The following TBC1D15 variants were observed in gnomAD, a reference collection of about 807,000 sequenced individuals.
TBC1D15 encodes TBC1 domain family member 15.
In TBC1D15, 39 loss-of-function variants were observed where a neutral mutation model predicts 95.4. The ratio of observed to expected loss-of-function variants is 0.41; its 90% confidence interval spans 0.32 to 0.53. The LOEUF (loss-of-function observed/expected upper bound fraction) is 0.53, where lower values mean the gene tolerates loss of function less well. Ranked by LOEUF, TBC1D15 falls within the 20% of genes least tolerant of loss-of-function variation. The pLI is 0.29. For missense variants in TBC1D15, 733 were observed against 794.3 expected (o/e 0.92, Z 0.93); for synonymous variants, 258 against 261.3 (o/e 0.99, Z 0.12).
At chr12:71,845,700 C>CT (rs1886112336) in intron 1 of TBC1D15, among the ~76,000 whole-genome samples, 1 of 152,008 alleles carries the variant, frequency 6.6e-6, no homozygotes, top group African/African-American at 2.4e-5. Context: ...ACTTTTGTAC[C>CT]TTTTTTGGTT....
At chr12:71,899,323 T>C (rs1336471223) in intron 10 of TBC1D15, among the ~76,000 whole-genome samples, 2 of 152,214 alleles carry the variant, frequency 1.3e-5, no homozygotes, top group East Asian at 3.9e-4. Flanking sequence ...TTTTAGCAGA[T>C]AAAGTTGAAG....
At chr12:71,842,835 A>G (rs1398652780) in intron 1 of TBC1D15, among the ~76,000 whole-genome samples, 2 of 126,160 alleles carry the variant, frequency 1.6e-5, no homozygotes, top group East Asian at 4.6e-4. Context: ...TGTCTCAAAA[A>G]AAAAAAAAAA....
chr12:71,884,802 G>C lies in TBC1D15; in HGVS notation c.344-9G>C. The C allele has an allele frequency of 6.2e-7, 1 of 1,613,600 alleles. No individual in the cohort carries two copies. Among genetic ancestry groups the C allele is most frequent in the Non-Finnish European group, 8.5e-7 (1 of 1,179,744 alleles). On this transcript the variant is annotated splice_polypyrimidine_tract_variant and intron_variant, in intron 4 of 16. Transcript: ENST00000485960. ...CAAAAATATTTTGCCCCACTTTCTT[G>C]TTTTTAAGATGCTCCAAGTCATAGA...
intron 1 of TBC1D15, among the ~76,000 whole-genome samples, chr12:71,860,661 A>G (rs766762904): frequency 2.6e-5 from 4 of 152,114 alleles, no homozygotes; most frequent in African/African-American, 2.4e-5. Flanking sequence ...AGGGTTTTCT[A>G]TGTGTAGGAT....
rs141704164 is a variant in TBC1D15 at position 71,880,531 on chromosome 12, A to G, written c.267A>G (p.Glu89=). The change falls in exon 4 of 17, where the codon GAA becomes GAG. Residue 89 remains glutamate, a synonymous_variant. Transcript: ENST00000485960. ...APKERGHRGS[E]HLNSYEAEWD... ...AAGAAAGAGGTCATCGAGGATCAGAACATCTGAACAGTTACGAAGCAGAAT... is the reference window on the plus strand; with the variant it reads ...AAGAAAGAGGTCATCGAGGATCAGAGCATCTGAACAGTTACGAAGCAGAAT... The G allele has an allele frequency of 3.7e-4, 597 of 1,613,306 alleles. No homozygotes were observed. The highest frequency in any genetic ancestry group is 4.9e-4 in the Non-Finnish European group (573 of 1,179,640).
At chr12:71,845,465 G>A (rs956108250) in intron 1 of TBC1D15, among the ~76,000 whole-genome samples, 9 of 152,152 alleles carry the variant, frequency 5.9e-5, no homozygotes, top group African/African-American at 2.2e-4. Context: ...GAATAAGTGG[G>A]TGGATGAGAT....
At chr12:71,856,900 G>A (rs552690776) in intron 1 of TBC1D15, among the ~76,000 whole-genome samples, 9 of 152,268 alleles carry the variant, frequency 5.9e-5, no homozygotes, top group African/African-American at 2.2e-4. Context: ...AGCAGTGGAA[G>A]AACCTTGAGC....
At chr12:71,884,742 T>C in intron 4 of TBC1D15, 69 bp from the exon 5 acceptor site, 1 of 1,455,270 alleles carries the variant, frequency 6.9e-7, no homozygotes, top group Non-Finnish European at 9.5e-7. Flanking sequence ...TAGGCAGTCA[T>C]GGAGAGCACT....
chr12:71,896,131 T>C, intron 8 of TBC1D15, 56 bp downstream of exon 8: 1 of 1,492,484 alleles, frequency 6.7e-7, no homozygotes, highest in Non-Finnish European at 9.0e-7. Flanking sequence ...TTTAGGGGTT[T>C]TGTTGTTATC....
chr12:71,912,907 T>G (rs1243106611), intron 11 of TBC1D15, among the ~76,000 whole-genome samples: 1 of 152,050 alleles, frequency 6.6e-6, no homozygotes, highest in East Asian at 1.9e-4. Flanking sequence ...ACCTCTTAAG[T>G]CTGAAAATTT....
intron 5 of TBC1D15, among the ~76,000 whole-genome samples, chr12:71,885,741 T>TG (rs1236080932): frequency 6.6e-6 from 1 of 152,236 alleles, no homozygotes; most frequent in South Asian, 2.1e-4. Context: ...TAATTCAGAC[T>TG]GGGAGTAGGG....
At chr12:71,856,479 CTT>C (rs79801979) in intron 1 of TBC1D15, among the ~76,000 whole-genome samples, 13,953 of 152,090 alleles carry the variant, frequency 0.092, 703 homozygotes, top group South Asian at 0.15. Flanking sequence ...GTAGTGTAGA[CTT>C]TTGTTTAAGT....
intron 15 of TBC1D15, 39 bp from the exon 16 acceptor site, chr12:71,921,329 T>C: frequency 8.4e-7 from 1 of 1,185,442 alleles, no homozygotes; most frequent in Non-Finnish European, 1.2e-6. Flanking sequence ...AATAGTGTAT[T>C]CAGTTTCGAT....
chr12:71,848,632 TA>T (rs1886936407), intron 1 of TBC1D15, among the ~76,000 whole-genome samples: 1 of 152,252 alleles, frequency 6.6e-6, no homozygotes, highest in Admixed American at 6.5e-5. Flanking sequence ...TGGGTCTTTT[TA>T]AAAAAATTAT....
chr12:71,878,406 G>T (rs1181468448), intron 3 of TBC1D15, among the ~76,000 whole-genome samples: 4 of 151,990 alleles, frequency 2.6e-5, no homozygotes, highest in Admixed American at 2.6e-4. Flanking sequence ...GGGGGAAGTA[G>T]AAGTCAGAGA....
At chr12:71,854,534 T>C (rs755198725) in intron 1 of TBC1D15, 2 of 456,284 alleles carry the variant, frequency 4.4e-6, no homozygotes, top group Admixed American at 2.4e-5. Flanking sequence ...CTGCATTAAT[T>C]CTCTTTTCTG....
intron 11 of TBC1D15, among the ~76,000 whole-genome samples, chr12:71,908,141 C>T (rs1467602242): frequency 6.6e-6 from 1 of 152,104 alleles, no homozygotes; most frequent in African/African-American, 2.4e-5. Context: ...GCATTACACT[C>T]CAGCCTGGGT....
intron 5 of TBC1D15, among the ~76,000 whole-genome samples, chr12:71,885,695 C>T (rs534548224): frequency 2.9e-4 from 44 of 152,134 alleles, no homozygotes; most frequent in African/African-American, 9.4e-4. Flanking sequence ...AAGTGTAAGC[C>T]GCTTTGGGAG....
chr12:71,843,189 G>A (rs1228188631), intron 1 of TBC1D15, among the ~76,000 whole-genome samples: 3 of 152,136 alleles, frequency 2.0e-5, no homozygotes, highest in Non-Finnish European at 4.4e-5. Context: ...GCTAAGGCAG[G>A]AGAATCGCTT....
Sources: gnomAD v4.1 joint callset for allele counts (sites outside exome capture counted in the v4.1 genomes callset) on GRCh38, gnomAD v4.1.1 for gene constraint, MANE v1.5 for transcripts, NCBI Gene and HGNC (gene_info 2026-07-23, HGNC 2026-07-21) for gene names.